The following BAHCC1 variants were observed in gnomAD, a reference collection of about 807,000 sequenced individuals.
BAHCC1 encodes BAH domain and coiled-coil containing 1, also known as BAH and coiled-coil domain-containing protein 1.
BAHCC1 carries 43 observed loss-of-function variants against 88.2 expected under a neutral mutation model. The observed-to-expected ratio is 0.49, with a 90% CI of 0.38 to 0.63. BAHCC1 has a LOEUF of 0.63. Among genes scored for constraint, BAHCC1 ranks in the 20% least tolerant of loss-of-function variants. The probability of loss-of-function intolerance (pLI) is 0.00; values close to 1 mark genes in which losing one functional copy is unlikely to be tolerated. For missense variants in BAHCC1, 3,023 were observed against 1,654.8 expected, an observed-to-expected ratio of 1.83 and a Z score of -14.34; for synonymous variants, 1,510 against 745.5, an observed-to-expected ratio of 2.03 and a Z score of -16.71.
chr17:81,395,844 T>A (rs2063741365), intron 1 of BAHCC1: 1 of 151,832 alleles, frequency 6.6e-6, no homozygotes, highest in Non-Finnish European at 1.5e-5. Flanking sequence ...TATGAGCGAT[T>A]TTTTTTTCTC....
At chr17:81,407,286 G>T in intron 2 of BAHCC1, 1 of 514,632 alleles carries the variant, frequency 1.9e-6, no homozygotes. Flanking sequence ...TTGGGGGGCA[G>T]TGCCTTCTTG....
At position 81,443,435 on chromosome 17, in the gene BAHCC1, G is replaced by C. The variant is rs781787566; in HGVS notation, c.2086G>C (p.Gly696Arg). The stretch of plus-strand genomic sequence containing the variant: ...GGAGCACGACACCACGCACGGCGAC[G>C]GGGAGGTGCGGCAGCCCCCTGTGGG... The part of the protein sequence containing the change: ...SREHDTTHGD[G>R]EVRQPPVGIA... Residue 696 changes from glycine (G) to arginine (R), a missense_variant, in exon 5 of 28, where the codon GGG becomes CGG. Coordinates refer to ENST00000675386, the MANE Select transcript of BAHCC1 (RefSeq NM_001377448.1). 1 of 752,298 alleles carries C rather than the reference G, an allele frequency of 1.3e-6. No individual in the cohort carries two copies. The allele number at this position is 752,298 out of a possible 1,614,324, so 46.6% of individuals were successfully genotyped here.
At chr17:81,397,406 A>AC (rs1417756436) in intron 1 of BAHCC1, among the ~76,000 whole-genome samples, 2 of 150,274 alleles carry the variant, frequency 1.3e-5, no homozygotes, top group African/African-American at 2.4e-5. Context: ...AAAAAAAAAA[A>AC]AAAAAACAAC....
At chr17:81,402,100 C>G (rs2063824330) in intron 2 of BAHCC1, 1 of 152,394 alleles carries the variant, frequency 6.6e-6, no homozygotes, top group Non-Finnish European at 1.5e-5. Context: ...TCCCCAAGCG[C>G]AGGGTGCTCT....
chr17:81,409,128 C>T (rs946775846), intron 2 of BAHCC1, among the ~76,000 whole-genome samples: 9 of 152,202 alleles, frequency 5.9e-5, no homozygotes, highest in African/African-American at 1.9e-4. Context: ...TCAAGGTGTT[C>T]CCCCCACACT....
At chr17:81,445,797 AC>A (rs1400667793) in intron 10 of BAHCC1, 116 bp downstream of exon 10, 1 of 627,778 alleles carries the variant, frequency 1.6e-6, no homozygotes, top group Non-Finnish European at 2.9e-6. Context: ...ACCTGCCCAG[AC>A]CCAGGGCAGC....
At chr17:81,418,796 C>CGTGTGTGTGTGTGCGCGCGCAT (rs539655672) in intron 2 of BAHCC1, among the ~76,000 whole-genome samples, 1 of 144,800 alleles carries the variant, frequency 6.9e-6, no homozygotes, top group Admixed American at 6.8e-5. Flanking sequence ...TACGTGTGTG[C>CGTGTGTGTGTGTGCGCGCGCAT]GTGTGTGTGT....
At chr17:81,397,395 GAAAAAAA>G (rs869105058) in intron 1 of BAHCC1, among the ~76,000 whole-genome samples, 9 of 132,582 alleles carry the variant, frequency 6.8e-5, no homozygotes, top group Non-Finnish European at 1.3e-4. Context: ...TTATTGGAGA[GAAAAAAA>G]AAAAAAAAAA....
intron 10 of BAHCC1, 99 bp downstream of exon 10, chr17:81,445,780 G>C: frequency 1.5e-6 from 1 of 648,924 alleles, no homozygotes; most frequent in African/African-American, 1.8e-5. Context: ...CTGCAGGGAG[G>C]CGCCACACCT....
intron 2 of BAHCC1, among the ~76,000 whole-genome samples, 197 bp downstream of exon 2, chr17:81,400,114 C>G (rs1465062881): frequency 7.2e-5 from 11 of 152,112 alleles, no homozygotes; most frequent in African/African-American, 2.7e-4. Context: ...AGAGGCCCTT[C>G]CCTGGCCACC....
chr17:81,443,555 G>A lies in BAHCC1; in HGVS notation c.2206G>A (p.Ala736Thr), dbSNP rs781873015. The change falls in exon 5 of 28, where the codon GCC becomes ACC. Residue 736 changes from alanine (A) to threonine (T), a missense_variant. By Grantham distance (58) the Ala-to-Thr change is moderately conservative. Transcript: ENST00000675386. ...NTARQGRAAP[A>T]FKGGGGPRST... ...TGCGCGGCAGGGCCGGGCCGCCCCC[G>A]CCTTCAAAGGTACAGGCCCTGCACA... 2.1e-4 allele frequency: 135 copies of A among 641,854 alleles called. No homozygotes were observed. Among genetic ancestry groups the A allele is most frequent in the South Asian group, 2.0e-3 (119 of 58,728 alleles). 39.8% of individuals were successfully genotyped at this position (641,854 alleles called of 1,614,324 possible).
At chr17:81,456,131 G>A (rs2064744551) in intron 15 of BAHCC1, 166 bp from the exon 16 acceptor site, 1 of 568,058 alleles carries the variant, frequency 1.8e-6, no homozygotes, top group South Asian at 2.3e-5. Flanking sequence ...CCAGGGGCAG[G>A]CCCTGTGTCT....
chr17:81,458,364 C>G lies in BAHCC1; in HGVS notation c.5241C>G (p.Asn1747Lys). 1.4e-6 allele frequency: 1 copy of G among 728,160 alleles called. No individual in the cohort carries two copies. The highest frequency in any genetic ancestry group is 2.5e-6 in the Non-Finnish European group (1 of 395,164). The allele number at this position is 728,160 out of a possible 1,614,324, so 45.1% of individuals were successfully genotyped here. The change falls in exon 18 of 28, where the codon AAC becomes AAG. Residue 1747 changes from asparagine to lysine, a missense_variant. By Grantham distance (94) the Asn-to-Lys change is moderately conservative (BLOSUM62 0). Coordinates refer to ENST00000675386, the MANE Select transcript of BAHCC1 (RefSeq NM_001377448.1). ...GATPSRDALFNPSRAFACREE... is the reference protein window; with the variant it reads ...GATPSRDALFKPSRAFACREE... ...CCCCCAGCAGGGACGCCCTCTTCAA[C>G]CCCTCTCGGGCCTTCGCCTGCCGTG...
At chr17:81,423,453 T>A (rs2064138953) in intron 2 of BAHCC1, among the ~76,000 whole-genome samples, 1 of 151,798 alleles carries the variant, frequency 6.6e-6, no homozygotes, top group Non-Finnish European at 1.5e-5. Context: ...AAATTCCCCC[T>A]GCCTCCCGGG....
Position 81,452,766 on chromosome 17 carries a change from C to G in BAHCC1, c.4360C>G (p.Arg1454Gly). ...SRSPARRGPG[R>G]PRKRKHSSSL... Reference sequence around the variant, plus strand: ...GAGCCCTGCACGGCGGGGGCCTGGCCGGCCGAGGAAGCGCAAACACTCAAG... The same window carrying G: ...GAGCCCTGCACGGCGGGGGCCTGGCGGGCCGAGGAAGCGCAAACACTCAAG... Residue 1454 changes from arginine (R) to glycine (G), a missense_variant, in exon 14 of 28, where the codon CGG becomes GGG. Transcript: ENST00000675386. 1.3e-6 allele frequency: 1 copy of G among 745,042 alleles called. No homozygotes were observed. The highest frequency in any genetic ancestry group is 1.4e-5 in the South Asian group (1 of 70,306). 46.2% of individuals were successfully genotyped at this position (745,042 alleles called of 1,614,324 possible). A position where few individuals can be genotyped will look rare whatever the true frequency, so the allele number is the denominator to read the frequency against.
chr17:81,455,920 C>T (rs541506447), intron 15 of BAHCC1, among the ~76,000 whole-genome samples: 5 of 152,246 alleles, frequency 3.3e-5, no homozygotes, highest in East Asian at 1.9e-4. Context: ...GCTGGTGAGA[C>T]GTGGGCCCCA....
intron 2 of BAHCC1, among the ~76,000 whole-genome samples, chr17:81,400,425 C>T (rs1328911225): frequency 6.6e-6 from 1 of 151,944 alleles, no homozygotes; most frequent in African/African-American, 2.4e-5. Context: ...CGAGCAAATC[C>T]TGTTTCTATA....
chr17:81,461,926 C>T lies in BAHCC1; in HGVS notation c.7263C>T (p.Ser2421=), dbSNP rs1309578647. The change falls in exon 26 of 28, where the codon AGC becomes AGT. Residue 2421 remains serine, a synonymous_variant. Transcript: ENST00000675386. ...KSKLKRKEAL[S]FSKAKELSRR... ...AGCTCAAGCGCAAAGAGGCCCTGAGCTTCTCCAAAGCCAAAGAGCTCTCCC... is the reference window on the plus strand; with the variant it reads ...AGCTCAAGCGCAAAGAGGCCCTGAGTTTCTCCAAAGCCAAAGAGCTCTCCC... The T allele has an allele frequency of 1.3e-6, 1 of 756,360 alleles. No homozygotes were observed. The highest frequency in any genetic ancestry group is 2.5e-6 in the Non-Finnish European group (1 of 407,172). The allele number at this position is 756,360 out of a possible 1,614,324, so 46.9% of individuals were successfully genotyped here. A position where few individuals can be genotyped will look rare whatever the true frequency, so the allele number is the denominator to read the frequency against.
intron 2 of BAHCC1, among the ~76,000 whole-genome samples, chr17:81,414,727 T>TC (rs1555648340): frequency 6.6e-6 from 1 of 152,088 alleles, no homozygotes; most frequent in Non-Finnish European, 1.5e-5. Flanking sequence ...GGACCGAGGT[T>TC]CCCCGGGGTT....
Sources: allele counts gnomAD v4.1 joint callset (sites outside exome capture counted in the v4.1 genomes callset), GRCh38; gene constraint gnomAD v4.1.1; transcripts MANE v1.5; gene names NCBI Gene and HGNC (gene_info 2026-07-23, HGNC 2026-07-21).